KANK4: variants seen among roughly 807,000 people sequenced by gnomAD.
KANK4 encodes KN motif and ankyrin repeat domains 4.
Under a neutral mutation model 80.8 loss-of-function variants are expected in KANK4, and 50 were observed. The ratio of observed to expected loss-of-function variants is 0.62; its 90% CI spans 0.49 to 0.78. The LOEUF (loss-of-function observed/expected upper bound fraction) is 0.78, where lower values mean the gene tolerates loss of function less well. Among genes scored for constraint, KANK4 ranks in the 30% least tolerant of loss-of-function variants. KANK4 has a pLI of 0.00. For missense variants in KANK4, 1,196 were observed against 1,240.1 expected (o/e 0.96, Z 0.53); for synonymous variants, 465 against 506.9 (o/e 0.92, Z 1.11).
At chr1:62,239,890 A>C (rs1236815915) in intron 9 of KANK4, among the ~76,000 whole-genome samples, 2 of 152,194 alleles carry the variant, frequency 1.3e-5, no homozygotes, top group African/African-American at 2.4e-5. Flanking sequence ...TATATATGCC[A>C]CATATTCTTA....
chr1:62,268,915 T>A (rs1457488269), intron 4 of KANK4, among the ~76,000 whole-genome samples: 1 of 152,068 alleles, frequency 6.6e-6, no homozygotes, highest in Non-Finnish European at 1.5e-5. Context: ...TAGCCAAACA[T>A]CCCCACCTCC....
Position 62,274,247 on chromosome 1 carries a change from G to C in KANK4, c.857C>G (p.Pro286Arg). ...LFTPGSPTPS[P>R]PPLPSPIPEN... is the part of the protein sequence containing the mutation. ...AGGGATGGGTGATGGCAGAGGTGGC[G>C]GGCTTGGCGTAGGGGAGCCAGGGGT... Residue 286 changes from proline (P) to arginine (R), a missense_variant, in exon 3 of 10, where the codon CCG (proline) becomes CGG (arginine). Coordinates refer to ENST00000371153, the MANE Select transcript of KANK4 (RefSeq NM_181712.5). 4.3e-6 allele frequency: 7 copies of C among 1,613,996 alleles called. No homozygotes were observed. Among genetic ancestry groups the C allele is most frequent in the Non-Finnish European group, 5.9e-6 (7 of 1,179,942 alleles).
At chr1:62,291,607 AT>A (rs796605037) in intron 1 of KANK4, among the ~76,000 whole-genome samples, 29 of 148,192 alleles carry the variant, frequency 2.0e-4, no homozygotes, top group South Asian at 4.3e-4. Flanking sequence ...GGTACACCTA[AT>A]TTTTTTTTTT....
intron 1 of KANK4, among the ~76,000 whole-genome samples, chr1:62,317,753 A>G (rs1644554086): frequency 6.6e-6 from 1 of 152,148 alleles, no homozygotes; most frequent in African/African-American, 2.4e-5. Context: ...TCAGCACTGG[A>G]GAATTCTCTA....
chr1:62,260,929 G>C (rs1671869690), intron 7 of KANK4, among the ~76,000 whole-genome samples: 1 of 152,160 alleles, frequency 6.6e-6, no homozygotes, highest in South Asian at 2.1e-4. Context: ...CCCACCCAAA[G>C]CTCTGTTGCC....
At chr1:62,298,060 C>T (rs1417762962) in intron 1 of KANK4, 1 of 152,158 alleles carries the variant, frequency 6.6e-6, no homozygotes, top group African/African-American at 2.4e-5. Flanking sequence ...CTTGTTAACT[C>T]GGGAGCACGA....
At chr1:62,289,137 T>G (rs1672629673) in intron 1 of KANK4, among the ~76,000 whole-genome samples, 1 of 152,128 alleles carries the variant, frequency 6.6e-6, no homozygotes, top group African/African-American at 2.4e-5. Context: ...AGTTTCTGTC[T>G]CTAGTGATAA....
chr1:62,282,193 A>C (rs564928718), intron 1 of KANK4, among the ~76,000 whole-genome samples: 1 of 152,298 alleles, frequency 6.6e-6, no homozygotes, highest in African/African-American at 2.4e-5. Flanking sequence ...TGGGCAGAAC[A>C]AGGGGAAGTT....
chr1:62,245,213 A>C (rs1292746915), intron 9 of KANK4, among the ~76,000 whole-genome samples: 1 of 152,242 alleles, frequency 6.6e-6, no homozygotes, highest in African/African-American at 2.4e-5. Flanking sequence ...TCATTAACAC[A>C]GATCCTTTGT....
At chr1:62,269,662 C>T (rs767457568) in intron 4 of KANK4, among the ~76,000 whole-genome samples, 89 of 152,100 alleles carry the variant, frequency 5.9e-4, no homozygotes, top group Non-Finnish European at 1.0e-3. Flanking sequence ...ATATGCCAGG[C>T]GCAGTTCTAA....
At chr1:62,243,700 C>G (rs1250753644) in intron 9 of KANK4, among the ~76,000 whole-genome samples, 1 of 152,120 alleles carries the variant, frequency 6.6e-6, no homozygotes, top group African/African-American at 2.4e-5. Flanking sequence ...TATCCCTGGC[C>G]TCTACCCACT....
chr1:62,275,399 T>A (rs1279664379), intron 2 of KANK4, among the ~76,000 whole-genome samples: 1 of 152,206 alleles, frequency 6.6e-6, no homozygotes, highest in Non-Finnish European at 1.5e-5. Context: ...AATGGTCTTG[T>A]ACTGCTTTTC....
At chr1:62,246,003 C>T (rs1671456368) in intron 9 of KANK4, among the ~76,000 whole-genome samples, 2 of 152,126 alleles carry the variant, frequency 1.3e-5, no homozygotes, top group Non-Finnish European at 2.9e-5. Flanking sequence ...CCGGGTTCCA[C>T]TAGCTGAGTA....
At chr1:62,270,143 T>C (rs1351021226) in intron 4 of KANK4, among the ~76,000 whole-genome samples, 1 of 152,126 alleles carries the variant, frequency 6.6e-6, no homozygotes, top group East Asian at 1.9e-4. Context: ...GGAACGGCAG[T>C]GGCAGGGGCT....
chr1:62,280,029 A>G (rs1474027964), intron 2 of KANK4, among the ~76,000 whole-genome samples: 1 of 152,216 alleles, frequency 6.6e-6, no homozygotes, highest in East Asian at 1.9e-4. Flanking sequence ...CACAGTAATT[A>G]TCTGAAGGGA....
intron 1 of KANK4, among the ~76,000 whole-genome samples, chr1:62,313,319 C>G (rs989884510): frequency 6.6e-6 from 1 of 152,164 alleles, no homozygotes; most frequent in Non-Finnish European, 1.5e-5. Context: ...TTTATGGCTT[C>G]TCAGTCTCTT....
At chr1:62,297,035 G>T (rs1644372050) in intron 1 of KANK4, among the ~76,000 whole-genome samples, 1 of 151,894 alleles carries the variant, frequency 6.6e-6, no homozygotes, top group Non-Finnish European at 1.5e-5. Flanking sequence ...TGGCCAACAT[G>T]GTGAAACCGC....
intron 4 of KANK4, among the ~76,000 whole-genome samples, chr1:62,270,810 G>A (rs886340463): frequency 6.6e-6 from 1 of 152,138 alleles, no homozygotes; most frequent in African/African-American, 2.4e-5. Context: ...ACAGCATCCT[G>A]TGCTTCCTCA....
At chr1:62,276,476 T>G (rs12031172) in intron 2 of KANK4, among the ~76,000 whole-genome samples, 2 of 151,566 alleles carry the variant, frequency 1.3e-5, no homozygotes, top group Non-Finnish European at 2.9e-5. Flanking sequence ...ACAGGTAAAA[T>G]AAGATTATTG....
Sources: allele counts gnomAD v4.1 joint callset (sites outside exome capture counted in the v4.1 genomes callset), GRCh38; gene constraint gnomAD v4.1.1; transcripts MANE v1.5; gene names NCBI Gene and HGNC (gene_info 2026-07-23, HGNC 2026-07-21).